Variants in PHLPP2 observed in about 807,000 individuals in gnomAD.
PHLPP2 encodes PH domain leucine-rich repeat-containing protein phosphatase 2.
In PHLPP2, 66 loss-of-function variants were observed where a neutral mutation model predicts 124.9. The observed-to-expected ratio is 0.53, with a 90% CI of 0.43 to 0.65. The LOEUF (loss-of-function observed/expected upper bound fraction) is 0.65, where lower values mean the gene tolerates loss of function less well. PHLPP2 is among the 30% of genes least tolerant of loss of function. The pLI, the probability that PHLPP2 is intolerant of heterozygous loss-of-function variation, is 0.00. For synonymous variants in PHLPP2, 681 were observed against 624.7 expected, an observed-to-expected ratio of 1.09 and a Z score of -1.34; for missense variants, 1,685 against 1,600.4, an observed-to-expected ratio of 1.05 and a Z score of -0.90.
At chr16:71,722,160 G>T (rs1272292095) in intron 1 of PHLPP2, among the ~76,000 whole-genome samples, 1 of 152,134 alleles carries the variant, frequency 6.6e-6, no homozygotes. Flanking sequence ...GGCCGGGCGT[G>T]GTGGCTCATC....
At chr16:71,716,927 G>A (rs1244280183) in intron 1 of PHLPP2, among the ~76,000 whole-genome samples, 1 of 152,158 alleles carries the variant, frequency 6.6e-6, no homozygotes, top group Non-Finnish European at 1.5e-5. Flanking sequence ...ATGACAATGG[G>A]TTTTATTTAT....
chr16:71,703,055 G>A (rs986295840), intron 2 of PHLPP2, among the ~76,000 whole-genome samples: 10 of 152,092 alleles, frequency 6.6e-5, no homozygotes, highest in African/African-American at 2.2e-4. Flanking sequence ...CTGTTTCTGA[G>A]TTATTTCACT....
intron 17 of PHLPP2, among the ~76,000 whole-genome samples, chr16:71,653,877 C>G (rs1362652721): frequency 6.6e-6 from 1 of 152,094 alleles, no homozygotes; most frequent in Admixed American, 6.6e-5. Context: ...CTGGCTAACA[C>G]GGTGAAACCC....
At position 71,658,283 on chromosome 16, in the gene PHLPP2, C is replaced by G; in HGVS notation, c.2229G>C (p.Leu743=). The change falls in exon 15 of 19, where the codon CTG becomes CTC. Residue 743 remains leucine (L), a synonymous_variant. Transcript: ENST00000568954. ...ALPATLQDLD[L]TGNTNLVLEH... ...CCAGAACCAGATTTGTATTTCCAGTCAGGTCAAGGTCTTGTAATGTAGCAG... is the reference window on the plus strand; with the variant it reads ...CCAGAACCAGATTTGTATTTCCAGTGAGGTCAAGGTCTTGTAATGTAGCAG... The G allele has an allele frequency of 6.2e-7, 1 of 1,613,852 alleles. No individual in the cohort carries two copies. Among genetic ancestry groups the G allele is most frequent in the Non-Finnish European group, 8.5e-7 (1 of 1,179,828 alleles).
chr16:71,656,668 G>A lies in PHLPP2; in HGVS notation c.2293C>T (p.Leu765=). 2 of 1,607,770 alleles carry A rather than the reference G, an allele frequency of 1.2e-6. No individual in the cohort carries two copies. Among genetic ancestry groups the A allele is most frequent in the Non-Finnish European group, 8.5e-7 (1 of 1,174,312 alleles). Reference sequence around the variant, plus strand: ...GGCAAAGGTTTCTGATCAATTTTCAGGGTTGTGATATGGCTGTGGGAGGTG... The same window carrying A: ...GGCAAAGGTTTCTGATCAATTTTCAAGGTTGTGATATGGCTGTGGGAGGTG... ...TLDIFSHITT[L]KIDQKPLPTT... Residue 765 remains leucine (L), a synonymous_variant, in exon 16 of 19, where the codon CTG becomes TTG. Transcript: ENST00000568954.
intron 1 of PHLPP2, among the ~76,000 whole-genome samples, chr16:71,716,848 A>G (rs1291616430): frequency 6.6e-6 from 1 of 152,268 alleles, no homozygotes; most frequent in Non-Finnish European, 1.5e-5. Context: ...TTTACTAGAC[A>G]GAATTAATGA....
At chr16:71,698,748 T>C in intron 3 of PHLPP2, 1 of 268,564 alleles carries the variant, frequency 3.7e-6, no homozygotes. Flanking sequence ...TGCTACCTAC[T>C]CAACTTGACT....
chr16:71,679,851 G>A (rs2044980787), intron 6 of PHLPP2, among the ~76,000 whole-genome samples: 1 of 152,178 alleles, frequency 6.6e-6, no homozygotes, highest in Non-Finnish European at 1.5e-5. Context: ...GGAAGGCCGA[G>A]GCAGGTGGAT....
chr16:71,663,333 G>C (rs1051443623), intron 13 of PHLPP2, among the ~76,000 whole-genome samples: 1 of 152,156 alleles, frequency 6.6e-6, no homozygotes, highest in African/African-American at 2.4e-5. Flanking sequence ...GGCTGGTCTC[G>C]AACTCACGAA....
chr16:71,662,251 G>A (rs2044798782), intron 13 of PHLPP2, among the ~76,000 whole-genome samples: 1 of 150,338 alleles, frequency 6.7e-6, no homozygotes, highest in South Asian at 2.2e-4. Flanking sequence ...CCAATATGGT[G>A]AAACCCTGTC....
chr16:71,677,721 C>T (rs1011421263), intron 8 of PHLPP2: 2 of 151,144 alleles, frequency 1.3e-5, no homozygotes, highest in African/African-American at 4.9e-5. Flanking sequence ...TTTTTACCAG[C>T]TTCCTTTAGG....
intron 1 of PHLPP2, among the ~76,000 whole-genome samples, chr16:71,721,527 T>A (rs775246267): frequency 3.9e-5 from 6 of 152,186 alleles, no homozygotes; most frequent in Non-Finnish European, 7.3e-5. Flanking sequence ...CTCAGGAGTT[T>A]GAACCTGCAG....
chr16:71,698,040 GGT>G, intron 3 of PHLPP2, among the ~76,000 whole-genome samples: 2 of 151,930 alleles, frequency 1.3e-5, no homozygotes, highest in African/African-American at 4.8e-5. Flanking sequence ...GTAGAGACGG[GGT>G]TTCACTGTGT....
chr16:71,678,834 CCACTCTATCTAA>C lies in PHLPP2; in HGVS notation c.1177_1188del (p.Leu393_Val396del). On this transcript the variant is annotated inframe_deletion, in exon 8 of 19. Transcript: ENST00000568954. Reference sequence around the variant, plus strand: ...ACTTCCAGGCAATTTCCTGCCATAACCACTCTATCTAACATAGTGAGTTTCTCATAAACCTCA... The same window carrying C: ...ACTTCCAGGCAATTTCCTGCCATAACCATAGTGAGTTTCTCATAAACCTCA... 6.2e-7 allele frequency: 1 copy of C among 1,612,638 alleles called. No homozygotes were observed. Among genetic ancestry groups the C allele is most frequent in the Non-Finnish European group, 8.5e-7 (1 of 1,178,694 alleles).
intron 4 of PHLPP2, among the ~76,000 whole-genome samples, chr16:71,685,052 G>C (rs1233729608): frequency 6.6e-6 from 1 of 152,202 alleles, no homozygotes; most frequent in African/African-American, 2.4e-5. Context: ...TCTCGGCCAG[G>C]CGTGGTGGCT....
At chr16:71,664,250 T>TGA in intron 12 of PHLPP2, 151 bp from the exon 13 acceptor site, 1 of 629,006 alleles carries the variant, frequency 1.6e-6, no homozygotes, top group Non-Finnish European at 2.8e-6. Flanking sequence ...TTTCTCTAAT[T>TGA]GATCCTATCC....
intron 3 of PHLPP2, among the ~76,000 whole-genome samples, chr16:71,699,687 G>A (rs2145365874): frequency 6.6e-6 from 1 of 152,322 alleles, no homozygotes; most frequent in Middle Eastern, 3.4e-3. Flanking sequence ...CTCACTGGTG[G>A]AAAGCAGCCG....
chr16:71,723,716 T>TCCGCTTGC (rs1036272837), intron 1 of PHLPP2: 4 of 890,652 alleles, frequency 4.5e-6, no homozygotes, highest in Non-Finnish European at 6.3e-6. Flanking sequence ...CCCTCCCTAG[T>TCCGCTTGC]CCGCTTGCCC....
At chr16:71,676,222 C>G (rs2044943802) in intron 9 of PHLPP2, among the ~76,000 whole-genome samples, 1 of 152,170 alleles carries the variant, frequency 6.6e-6, no homozygotes, top group Admixed American at 6.5e-5. Flanking sequence ...TGGAATGCCT[C>G]TTATTATGCT....
Sources: allele counts gnomAD v4.1 joint callset (sites outside exome capture counted in the v4.1 genomes callset), GRCh38; gene constraint gnomAD v4.1.1; transcripts MANE v1.5; gene names NCBI Gene and HGNC (gene_info 2026-07-23, HGNC 2026-07-21).